Variants in NT5M observed in about 807,000 individuals in gnomAD.
The protein encoded by NT5M is 5'(3')-deoxyribonucleotidase, mitochondrial.
NT5M carries 22 observed loss-of-function variants against 22.2 expected under a neutral mutation model. That is an observed-to-expected ratio of 0.99 (90% CI 0.71 to 1.41). The LOEUF (loss-of-function observed/expected upper bound fraction) is 1.41. Among genes scored for constraint, NT5M ranks in the 40% most tolerant of loss-of-function variants. The pLI is 0.00. For synonymous variants in NT5M, 167 were observed against 133.0 expected (o/e 1.26, Z -1.76); for missense variants, 322 against 314.8 (o/e 1.02, Z -0.17).
intron 1 of NT5M, among the ~76,000 whole-genome samples, chr17:17,305,394 G>GCCGCCCCC (rs2048774521): frequency 5.4e-5 from 4 of 74,096 alleles, no homozygotes; most frequent in Non-Finnish European, 8.2e-5. Flanking sequence ...TAAAACAACC[G>GCCGCCCCC]CCCCCCCCCC....
rs375164182 is a variant in NT5M, at chr17:17,320,133, C to T, written c.369-3052C>T. Among the ~76,000 whole-genome samples the T allele has an allele frequency of 1.1e-4, 16 of 152,372 alleles. No homozygotes were observed. The East Asian group carries it at 1.2e-3, about 11-fold the overall frequency. ...CTGGGATTACAGGCGTGAGCCACCA[C>T]GCCCAGCCTCCCACGTATGTCTTTA... On this transcript the variant is annotated intron_variant, in intron 2 of 4. Coordinates refer to ENST00000389022, the MANE Select transcript of NT5M (RefSeq NM_020201.4).
chr17:17,346,734 C>T, intron 4 of NT5M, 71 bp from the exon 5 acceptor site: 2 of 1,580,144 alleles, frequency 1.3e-6, no homozygotes, highest in Non-Finnish European at 1.7e-6. Context: ...CCTGGATACC[C>T]AGGTTTCCAC....
chr17:17,307,837 G>A (rs370797495), intron 2 of NT5M, among the ~76,000 whole-genome samples: 2 of 151,738 alleles, frequency 1.3e-5, no homozygotes, highest in East Asian at 1.9e-4. Context: ...TAGCCTAGGC[G>A]ACAGAGCGAG....
intron 2 of NT5M, among the ~76,000 whole-genome samples, chr17:17,315,231 G>T (rs968186575): frequency 1.3e-5 from 2 of 152,158 alleles, no homozygotes; most frequent in East Asian, 3.8e-4. Flanking sequence ...GTGAAGCCTA[G>T]AGTAAGAGGC....
intron 3 of NT5M, among the ~76,000 whole-genome samples, chr17:17,330,346 C>T (rs964006902): frequency 1.4e-4 from 21 of 150,620 alleles, no homozygotes; most frequent in African/African-American, 4.6e-4. Flanking sequence ...GAGCCTCTTC[C>T]TCTAACCTGA....
At chr17:17,342,037 G>GA (rs77325414) in intron 3 of NT5M, among the ~76,000 whole-genome samples, 21 of 140,384 alleles carry the variant, frequency 1.5e-4, no homozygotes, top group South Asian at 6.8e-4. Context: ...TCAAAAAAAA[G>GA]AAAAAAAAAA....
rs1011171546 is a variant in NT5M, at chr17:17,331,560, G to A, written c.429+8315G>A. Among the ~76,000 whole-genome samples the A allele has an allele frequency of 2.0e-4, 30 of 151,442 alleles. 3 individuals carry two copies. Among genetic ancestry groups the A allele is most frequent in the African/African-American group, 7.3e-4 (30 of 40,860 alleles). On this transcript the variant is annotated intron_variant, in intron 3 of 4. Coordinates refer to ENST00000389022, the MANE Select transcript of NT5M (RefSeq NM_020201.4). ...CTGGCCATTTCATCATTGTAATAGG[G>A]ATTGTAGACAAAAGTGCATGATCCC...
At chr17:17,313,823 T>G (rs528419918) in intron 2 of NT5M, among the ~76,000 whole-genome samples, 2 of 152,216 alleles carry the variant, frequency 1.3e-5, no homozygotes. Context: ...TGCCAGGTAG[T>G]GAAGGGCAAG....
At chr17:17,309,553 G>A (rs1038411839) in intron 2 of NT5M, among the ~76,000 whole-genome samples, 6 of 152,144 alleles carry the variant, frequency 3.9e-5, no homozygotes, top group African/African-American at 1.4e-4. Flanking sequence ...GAAGGTTTCA[G>A]TTTCTCCACA....
At chr17:17,346,681 C>T (rs2049765853) in intron 4 of NT5M, 124 bp from the exon 5 acceptor site, 3 of 1,177,550 alleles carry the variant, frequency 2.5e-6, no homozygotes, top group Non-Finnish European at 3.6e-6. Context: ...CGTGCAGTCA[C>T]CCCTTTACAG....
chr17:17,345,479 A>G (rs970540432), intron 4 of NT5M, among the ~76,000 whole-genome samples: 1 of 152,098 alleles, frequency 6.6e-6, no homozygotes, highest in Non-Finnish European at 1.5e-5. Flanking sequence ...CCTGGCCAAC[A>G]TAGCGAGACT....
intron 3 of NT5M, among the ~76,000 whole-genome samples, chr17:17,336,546 TTTC>T (rs1377224434): frequency 6.7e-6 from 1 of 149,096 alleles, no homozygotes; most frequent in African/African-American, 2.5e-5. Flanking sequence ...CTCATTCTTT[TTTC>T]TTTTCTTTTT....
chr17:17,303,801 T>C lies in NT5M; in HGVS notation c.251T>C (p.Leu84Pro). 1 of 1,539,542 alleles carries C rather than the reference T, an allele frequency of 6.5e-7. No homozygotes were observed. The highest frequency in any genetic ancestry group is 8.8e-7 in the Non-Finnish European group (1 of 1,141,552). Residue 84 changes from leucine (L) to proline (P), a missense_variant, in exon 1 of 5, where the codon CTG (leucine) becomes CCG (proline). Physicochemically the swap from Leu to Pro is moderately conservative, Grantham distance 98. Transcript: ENST00000389022. Reference sequence around the variant, plus strand: ...TGGGTGTCGGAGCAGTACGGCCGCCTGCGGCCAGGGCTGAGCGTGAGCGTC... The same window carrying C: ...TGGGTGTCGGAGCAGTACGGCCGCCCGCGGCCAGGGCTGAGCGTGAGCGTC... ...GFWVSEQYGRLRPGLSEKAIS... is the reference protein window; with the variant it reads ...GFWVSEQYGRPRPGLSEKAIS...
intron 3 of NT5M, among the ~76,000 whole-genome samples, chr17:17,343,039 C>A (rs2049678807): frequency 6.6e-6 from 1 of 152,248 alleles, no homozygotes; most frequent in South Asian, 2.1e-4. Context: ...AAAACATTAG[C>A]CCCAGGCTCT....
chr17:17,342,834 G>A (rs2049674227), intron 3 of NT5M, among the ~76,000 whole-genome samples: 1 of 152,202 alleles, frequency 6.6e-6, no homozygotes, highest in Non-Finnish European at 1.5e-5. Context: ...CGTTGTCTGT[G>A]GCCTGTGTGC....
At chr17:17,345,333 C>G in intron 4 of NT5M, 6 of 951,072 alleles carry the variant, frequency 6.3e-6, no homozygotes, top group Non-Finnish European at 7.6e-6. Flanking sequence ...ACAGAAGACC[C>G]CCCTCCCCAA....
At chr17:17,321,089 G>A (rs1022253565) in intron 2 of NT5M, among the ~76,000 whole-genome samples, 1 of 152,076 alleles carries the variant, frequency 6.6e-6, no homozygotes, top group Admixed American at 6.6e-5. Flanking sequence ...GGCTGTGTGT[G>A]TATATATCTA....
At position 17,323,307 on chromosome 17, in the gene NT5M, G is replaced by A; in HGVS notation, c.429+62G>A. On this transcript the variant is annotated intron_variant, in intron 3 of 4. Coordinates refer to ENST00000389022, the MANE Select transcript of NT5M (RefSeq NM_020201.4). Reference sequence around the variant, plus strand: ...ATGCATCACAGGTGAGGGGTACGGGGCTCAGCCTGCCTGTGGAAAGGGGAT... The same window carrying A: ...ATGCATCACAGGTGAGGGGTACGGGACTCAGCCTGCCTGTGGAAAGGGGAT... The A allele has an allele frequency of 3.0e-6, 4 of 1,352,328 alleles. No homozygotes were observed. In the South Asian group the frequency reaches 3.6e-5, roughly 12 times the overall value. The allele number at this position is 1,352,328 out of a possible 1,614,324, so 83.8% of individuals were successfully genotyped here. A position where few individuals can be genotyped will look rare whatever the true frequency, so the allele number is the denominator to read the frequency against.
At chr17:17,326,661 C>T (rs1320715540) in intron 3 of NT5M, among the ~76,000 whole-genome samples, 1 of 152,186 alleles carries the variant, frequency 6.6e-6, no homozygotes, top group Non-Finnish European at 1.5e-5. Context: ...GAGAGGGAGG[C>T]CCATCAGCTG....
Sources: allele counts gnomAD v4.1 joint callset (sites outside exome capture counted in the v4.1 genomes callset), GRCh38; gene constraint gnomAD v4.1.1; transcripts MANE v1.5; gene names NCBI Gene and HGNC (gene_info 2026-07-23, HGNC 2026-07-21).